USP24: variants seen among roughly 807,000 people sequenced by gnomAD.
USP24 encodes ubiquitin carboxyl-terminal hydrolase 24.
USP24 carries 97 observed loss-of-function variants against 361.6 expected under a neutral mutation model. The ratio of observed to expected loss-of-function variants is 0.27; its 90% CI spans 0.23 to 0.32. The LOEUF is 0.32. Ranked by LOEUF, USP24 falls within the 10% of genes least tolerant of loss-of-function variation. The pLI is 1.00. For synonymous variants in USP24, 1,098 were observed against 1,124.6 expected, an observed-to-expected ratio of 0.98 and a Z score of 0.47; for missense variants, 2,353 against 3,165.6, an observed-to-expected ratio of 0.74 and a Z score of 6.16.
intron 16 of USP24, among the ~76,000 whole-genome samples, chr1:55,151,031 G>A (rs1352039196): frequency 6.6e-6 from 1 of 152,088 alleles, no homozygotes; most frequent in Admixed American, 6.6e-5. Context: ...CCACTGATGA[G>A]GAACTCACTA....
rs750758999 is a variant in USP24, at chr1:55,154,184, C to T, written c.1747G>A (p.Ala583Thr). 1.8e-4 allele frequency: 285 copies of T among 1,613,516 alleles called. No individual in the cohort carries two copies. Among genetic ancestry groups the T allele is most frequent in the Non-Finnish European group, 2.3e-4 (268 of 1,179,702 alleles). Reference protein sequence around the residue: ...LEEHLTILSDAYAVKEAIKRS... With the variant: ...LEEHLTILSDTYAVKEAIKRS... ...TTGATTGCTTCTTTCACTGCATATGCATCACTAAGGATTGTCAGGTGCTCC... is the reference window on the plus strand; with the variant it reads ...TTGATTGCTTCTTTCACTGCATATGTATCACTAAGGATTGTCAGGTGCTCC... Residue 583 changes from alanine to threonine, a missense_variant, in exon 15 of 68, where the codon GCA becomes ACA. Physicochemically the swap from Ala to Thr is moderately conservative, Grantham distance 58. Around this residue, in one of 8 missense-constraint regions of USP24, gnomAD observed 386 missense variants for 560.5 expected, o/e 0.69. Coordinates refer to ENST00000294383, the MANE Select transcript of USP24 (RefSeq NM_015306.3).
intron 64 of USP24, among the ~76,000 whole-genome samples, chr1:55,073,211 TTTATG>T (rs1165356965): frequency 6.6e-6 from 1 of 152,118 alleles, no homozygotes; most frequent in Non-Finnish European, 1.5e-5. Flanking sequence ...AATAGTAAAT[TTTATG>T]TTATGTACAT....
intron 37 of USP24, among the ~76,000 whole-genome samples, chr1:55,121,077 C>G (rs1011024681): frequency 6.6e-6 from 1 of 152,200 alleles, no homozygotes; most frequent in African/African-American, 2.4e-5. Context: ...ACTATAATAT[C>G]TAATGAAAGT....
At chr1:55,169,535 CA>C (rs1649232799) in intron 5 of USP24, among the ~76,000 whole-genome samples, 1 of 151,970 alleles carries the variant, frequency 6.6e-6, no homozygotes, top group Non-Finnish European at 1.5e-5. Context: ...ATCAAATTTA[CA>C]AACATTAAAG....
At chr1:55,092,992 G>C in intron 52 of USP24, 76 bp from the exon 53 acceptor site, 11 of 885,520 alleles carry the variant, frequency 1.2e-5, no homozygotes, top group Non-Finnish European at 1.8e-5. Flanking sequence ...CTAATGATAT[G>C]TAAAAATATA....
chr1:55,089,687 A>C lies in USP24; in HGVS notation c.6608T>G (p.Phe2203Cys). The change falls in exon 55 of 68, where the codon TTT becomes TGT. Residue 2203 changes from phenylalanine (F) to cysteine (C), a missense_variant. This residue lies in a region of USP24 where 598 missense variants were observed against 761.9 expected (regional missense o/e 0.78). Transcript: ENST00000294383. ...TTCAACTAACCACTGACAAGCATCA[A>C]AACTTTTTGAAAGCAATGCTTCAAT... Reference protein sequence around the residue: ...ATIEALLSKSFDACQWLVEYF... With the variant: ...ATIEALLSKSCDACQWLVEYF... The C allele has an allele frequency of 6.2e-7, 1 of 1,605,270 alleles. No individual in the cohort carries two copies. The highest frequency in any genetic ancestry group is 1.3e-5 in the African/African-American group (1 of 75,012).
chr1:55,129,726 C>A (rs1022667148), intron 31 of USP24, among the ~76,000 whole-genome samples, 152 bp from the exon 32 acceptor site: 2 of 152,138 alleles, frequency 1.3e-5, no homozygotes, highest in Admixed American at 1.3e-4. Context: ...TGATGTTTCA[C>A]GATAAAATAA....
chr1:55,101,064 T>C, intron 43 of USP24, 100 bp from the exon 44 acceptor site: 1 of 1,350,778 alleles, frequency 7.4e-7, no homozygotes, highest in African/African-American at 1.5e-5. Flanking sequence ...TTTTTTAGAA[T>C]GTTATGTATG....
intron 1 of USP24, among the ~76,000 whole-genome samples, chr1:55,189,055 G>A (rs983452763): frequency 2.7e-5 from 4 of 149,902 alleles, no homozygotes; most frequent in African/African-American, 7.4e-5. Context: ...ACACACTGCT[G>A]ATTGATTATA....
rs576374275 is a variant in USP24 at position 55,209,667 on chromosome 1, A to C, written c.324+5123T>G. ...TAAACACAAATGAAAGAAATGCATG[A>C]GCTTTAGTGCACTTAGAGCGCTTAG... On this transcript the variant is annotated intron_variant, in intron 1 of 67. Coordinates refer to ENST00000294383, the MANE Select transcript of USP24 (RefSeq NM_015306.3). 2.6e-5 allele frequency among the ~76,000 whole-genome samples: 4 copies of C among 152,324 alleles called. No homozygotes were observed. The South Asian group carries it at 6.2e-4, about 24-fold the overall frequency.
intron 37 of USP24, 71 bp from the exon 38 acceptor site, chr1:55,120,827 T>C: frequency 7.0e-7 from 1 of 1,424,668 alleles, no homozygotes; most frequent in Non-Finnish European, 9.2e-7. Flanking sequence ...AAAGTGATTT[T>C]CTTCCAAAGT....
Position 55,134,047 on chromosome 1 carries a change from T to C in USP24, c.3381+23A>G, listed in dbSNP as rs758808279. 4 of 1,594,426 alleles carry C rather than the reference T, an allele frequency of 2.5e-6. No homozygotes were observed. The Admixed American group carries it at 5.1e-5, about 20-fold the overall frequency. On this transcript the variant is annotated intron_variant, in intron 30 of 67. Transcript: ENST00000294383. ...ACTGAATTGTGATATAAAATTGCCA[T>C]GCTAGTTAAAAAATACTCATACCTT...
intron 63 of USP24, among the ~76,000 whole-genome samples, chr1:55,074,339 T>G (rs1291631279): frequency 6.6e-6 from 1 of 152,130 alleles, no homozygotes; most frequent in Non-Finnish European, 1.5e-5. Context: ...TTTTAGGGAT[T>G]TAAACATAAA....
At chr1:55,128,183 T>C (rs1646488942) in intron 32 of USP24, among the ~76,000 whole-genome samples, 2 of 152,186 alleles carry the variant, frequency 1.3e-5, no homozygotes, top group Non-Finnish European at 2.9e-5. Flanking sequence ...CAGGGCCATT[T>C]TATAAATGTC....
In USP24 at chr1:55,143,131, A is replaced by G; in HGVS notation, c.2440-12T>C. On this transcript the variant is annotated splice_polypyrimidine_tract_variant and intron_variant, in intron 21 of 67. Coordinates refer to ENST00000294383, the MANE Select transcript of USP24 (RefSeq NM_015306.3). ...AGCTTTTCTACATACTGTTCAAAAGAAAAAAAATTAAATTATAAAGCATAT... is the reference window on the plus strand; with the variant it reads ...AGCTTTTCTACATACTGTTCAAAAGGAAAAAAATTAAATTATAAAGCATAT... 1 of 1,465,658 alleles carries G rather than the reference A, an allele frequency of 6.8e-7. No homozygotes were observed. Among genetic ancestry groups the G allele is most frequent in the Non-Finnish European group, 9.0e-7 (1 of 1,111,250 alleles). 90.8% of individuals were successfully genotyped at this position (1,465,658 alleles called of 1,614,324 possible). A position where few individuals can be genotyped will look rare whatever the true frequency, so the allele number is the denominator to read the frequency against.
chr1:55,100,468 C>G (rs1221797438), intron 44 of USP24, among the ~76,000 whole-genome samples: 1 of 151,064 alleles, frequency 6.6e-6, no homozygotes, highest in East Asian at 1.9e-4. Flanking sequence ...TGCACTCCAG[C>G]CTGGGCAACA....
At position 55,079,353 on chromosome 1, in the gene USP24, C is replaced by T. The variant is rs112435382; in HGVS notation, c.7200+185G>A. On this transcript the variant is annotated intron_variant, in intron 60 of 67. Coordinates refer to ENST00000294383, the MANE Select transcript of USP24 (RefSeq NM_015306.3). ...GCTGGGCTGGACCTGGAGGTCTGGA[C>T]CTTGGCTGAACAGAAGACTAATAAC... 7.6e-3 allele frequency among the ~76,000 whole-genome samples: 1,159 copies of T among 152,278 alleles called. 12 individuals are homozygous for T. The highest frequency in any genetic ancestry group is 0.026 in the African/African-American group (1,073 of 41,544).
At chr1:55,078,899 A>G (rs1645082777) in intron 60 of USP24, among the ~76,000 whole-genome samples, 1 of 151,890 alleles carries the variant, frequency 6.6e-6, no homozygotes. Context: ...CAAAGGCAAA[A>G]GCTCCCACAA....
chr1:55,086,299 G>C (rs1257074924), intron 55 of USP24: 4 of 513,850 alleles, frequency 7.8e-6, no homozygotes, highest in Admixed American at 6.3e-5. Context: ...TAAAAGATAA[G>C]AAGTACTCCC....
Sources: allele counts gnomAD v4.1 joint callset (sites outside exome capture counted in the v4.1 genomes callset), GRCh38; gene constraint gnomAD v4.1.1; regional missense constraint gnomAD v4.1.1; transcripts MANE v1.5; gene names NCBI Gene and HGNC (gene_info 2026-07-23, HGNC 2026-07-21).